Variants in RNF128 observed in about 807,000 individuals in gnomAD.
The protein encoded by RNF128 is E3 ubiquitin-protein ligase RNF128.
In RNF128, 13 loss-of-function variants were observed where a neutral mutation model predicts 26.2. That is an observed-to-expected ratio of 0.50 (90% confidence interval 0.32 to 0.79). RNF128 has a LOEUF of 0.79. Among genes scored for constraint, RNF128 ranks in the 30% least tolerant of loss-of-function variants. RNF128 has a pLI of 0.03. For missense variants in RNF128, 315 were observed against 349.7 expected (o/e 0.90, Z 0.79); for synonymous variants, 149 against 142.5 (o/e 1.05, Z -0.32).
intron 6 of RNF128, among the ~76,000 whole-genome samples, chrX:106,793,507 C>G (rs1360401803): frequency 9.0e-6 from 1 of 111,545 alleles, no homozygotes; most frequent in Non-Finnish European, 1.9e-5. Context: ...AGGAAATTTG[C>G]TGATAAAATG....
At chrX:106,706,716 C>T (rs776753071) in intron 1 of RNF128, among the ~76,000 whole-genome samples, 4 of 111,911 alleles carry the variant, frequency 3.6e-5, no homozygotes, top group Admixed American at 1.9e-4. Flanking sequence ...CTTTAAACGG[C>T]GAAAGATGTA....
chrX:106,795,306 C>T (rs748978170), intron 6 of RNF128, among the ~76,000 whole-genome samples: 5 of 111,205 alleles, frequency 4.5e-5, no homozygotes, highest in Non-Finnish European at 9.5e-5. Context: ...AAGTAGAAGA[C>T]ATAATTTTTG....
chrX:106,752,387 A>G (rs1929909649), intron 1 of RNF128, among the ~76,000 whole-genome samples: 1 of 112,410 alleles, frequency 8.9e-6, no homozygotes, highest in African/African-American at 3.2e-5. Context: ...AAGGGAAGAG[A>G]ACAACACATT....
intron 1 of RNF128, among the ~76,000 whole-genome samples, chrX:106,735,962 GT>G (rs201049142): frequency 6.6e-5 from 7 of 106,295 alleles, no homozygotes; most frequent in African/African-American, 1.0e-4. Flanking sequence ...TTGTATTTTT[GT>G]TTTTTTTTCC....
At chrX:106,746,910 G>T (rs897446892) in intron 1 of RNF128, among the ~76,000 whole-genome samples, 3 of 111,083 alleles carry the variant, frequency 2.7e-5, no homozygotes, top group African/African-American at 9.8e-5. Flanking sequence ...CCTAGAATTG[G>T]AATCTGTAAC....
intron 1 of RNF128, among the ~76,000 whole-genome samples, chrX:106,748,440 C>T (rs1290871319): frequency 1.8e-5 from 2 of 111,722 alleles, no homozygotes; most frequent in African/African-American, 6.5e-5. Flanking sequence ...GGCCTGAACT[C>T]TTGTTTTCAA....
intron 1 of RNF128, among the ~76,000 whole-genome samples, chrX:106,757,510 C>T (rs765109699): frequency 0.011 from 843 of 74,986 alleles, 11 homozygotes; most frequent in Non-Finnish European, 0.018. Flanking sequence ...CGCATATTCT[C>T]ACTCATAGGT....
chrX:106,763,710 G>A (rs929777660), intron 1 of RNF128, among the ~76,000 whole-genome samples: 1 of 110,307 alleles, frequency 9.1e-6, no homozygotes, highest in African/African-American at 3.3e-5. Context: ...GTTTCACCGT[G>A]TTAGCCAGGA....
intron 1 of RNF128, among the ~76,000 whole-genome samples, chrX:106,740,343 A>G (rs1929681437): frequency 9.0e-6 from 1 of 111,428 alleles, no homozygotes; most frequent in African/African-American, 3.3e-5. Flanking sequence ...GTTTGGCAAC[A>G]TTTAAGGTAC....
rs753018876 is a variant in RNF128 at position 106,721,650 on chromosome X, G to A, written c.406+27242G>A. Among the ~76,000 whole-genome samples, 3 of 111,955 alleles carry A rather than the reference G, an allele frequency of 2.7e-5. No individual in the cohort carries two copies. The South Asian group carries it at 1.1e-3, about 42-fold the overall frequency. On this transcript the variant is annotated intron_variant, in intron 1 of 6. Coordinates refer to the RNF128 transcript ENST00000324342. ...TGGCCCATATATATCTCCCTCAATG[G>A]TCACAGTGCCTGAAATGCATACAAG...
At chrX:106,765,615 A>C (rs970338269) in intron 1 of RNF128, among the ~76,000 whole-genome samples, 2 of 112,101 alleles carry the variant, frequency 1.8e-5, no homozygotes, top group African/African-American at 6.5e-5. Flanking sequence ...TCATATTGGA[A>C]GAAGATACAA....
chrX:106,778,687 T>G (rs1374515345), intron 2 of RNF128, among the ~76,000 whole-genome samples: 1 of 111,615 alleles, frequency 9.0e-6, no homozygotes, highest in African/African-American at 3.3e-5. Context: ...CATCTGAGTC[T>G]TGGACCCCAA....
intron 3 of RNF128, among the ~76,000 whole-genome samples, chrX:106,787,700 G>A (rs1268172589): frequency 9.0e-6 from 1 of 110,791 alleles, no homozygotes; most frequent in Non-Finnish European, 1.9e-5. Flanking sequence ...CCTTTGTTCT[G>A]TTCCCCTTTT....
At chrX:106,710,565 C>G (rs996820769) in intron 1 of RNF128, among the ~76,000 whole-genome samples, 2 of 110,043 alleles carry the variant, frequency 1.8e-5, no homozygotes, top group African/African-American at 3.3e-5. Flanking sequence ...TGAGACCAGC[C>G]TAGCCAACAA....
chrX:106,716,376 G>C (rs1929216449), intron 1 of RNF128, among the ~76,000 whole-genome samples: 1 of 111,567 alleles, frequency 9.0e-6, no homozygotes, highest in South Asian at 3.7e-4. Flanking sequence ...TGACAATCCA[G>C]AAAAGGCAAA....
chrX:106,744,363 G>A (rs1290191864), intron 1 of RNF128, among the ~76,000 whole-genome samples: 1 of 111,718 alleles, frequency 9.0e-6, no homozygotes, highest in Non-Finnish European at 1.9e-5. Context: ...ATTACAGGTT[G>A]GCACAAATGA....
At chrX:106,734,668 G>A (rs899874885) in intron 1 of RNF128, among the ~76,000 whole-genome samples, 1 of 111,882 alleles carries the variant, frequency 8.9e-6, no homozygotes, top group African/African-American at 3.2e-5. Context: ...TTAGCTCAGC[G>A]AAATTTCACA....
At chrX:106,785,198 G>C in intron 3 of RNF128, 62 bp downstream of exon 3, 1 of 865,125 alleles carries the variant, frequency 1.2e-6, no homozygotes, top group South Asian at 2.7e-5. Context: ...CATTGTTCAG[G>C]CTAAATGTTC....
intron 1 of RNF128, among the ~76,000 whole-genome samples, chrX:106,704,518 G>A (rs1290530215): frequency 3.7e-5 from 4 of 108,898 alleles, no homozygotes; most frequent in Non-Finnish European, 7.6e-5. Flanking sequence ...CTTGAAATAT[G>A]TGGGGCACGA....
Sources: gnomAD v4.1 joint callset for allele counts (sites outside exome capture counted in the v4.1 genomes callset) on GRCh38, gnomAD v4.1.1 for gene constraint, MANE v1.5 for transcripts, NCBI Gene and HGNC (gene_info 2026-07-23, HGNC 2026-07-21) for gene names.